Variants in LY6G6D observed in about 807,000 individuals in gnomAD.
LY6G6D encodes lymphocyte antigen 6 complex locus protein G6d.
Under a neutral mutation model 8.5 loss-of-function variants are expected in LY6G6D, and 5 were observed. That is an observed-to-expected ratio of 0.59 (90% confidence interval 0.31 to 1.24). The LOEUF is 1.24. Among genes scored for constraint, LY6G6D ranks in the 50% most tolerant of loss-of-function variants. LY6G6D has a pLI of 0.07. For synonymous variants in LY6G6D, 65 were observed against 69.6 expected (o/e 0.93, Z 0.33); for missense variants, 154 against 170.4 (o/e 0.90, Z 0.53).
rs1283403722 is a variant in LY6G6D at position 31,717,714 on chromosome 6, C to A, written c.312C>A (p.Ser104Arg). 6.2e-7 allele frequency: 1 copy of A among 1,613,970 alleles called. No individual in the cohort carries two copies. Among genetic ancestry groups the A allele is most frequent in the Non-Finnish European group, 8.5e-7 (1 of 1,180,044 alleles). ...RDCYLGDLCNSAVASHVAPAG... is the reference protein window; with the variant it reads ...RDCYLGDLCNRAVASHVAPAG... Reference sequence around the variant, plus strand: ...GCTACCTGGGAGACCTGTGCAACAGCGCCGTGGCAAGCCATGTGGCCCCTG... The same window carrying A: ...GCTACCTGGGAGACCTGTGCAACAGAGCCGTGGCAAGCCATGTGGCCCCTG... The change falls in exon 3 of 3, where the codon AGC becomes AGA. Residue 104 changes from serine to arginine, a missense_variant. Physicochemically the swap from Ser to Arg is moderately radical, Grantham distance 110. Transcript: ENST00000375825. The surrounding 1 kb of genome is among the most constrained non-coding windows in gnomAD (Gnocchi z 5.0).
chr6:31,715,950 G>GGGGT (rs1349361559), intron 2 of LY6G6D, among the ~76,000 whole-genome samples: 3 of 146,956 alleles, frequency 2.0e-5, no homozygotes, highest in Non-Finnish European at 3.0e-5. Flanking sequence ...ACCAGGGAGG[G>GGGGT]GTGTGTGTGT....
chr6:31,717,501 T>G lies in LY6G6D; in HGVS notation c.179-80T>G. On this transcript the variant is annotated intron_variant, in intron 2 of 2. Coordinates refer to ENST00000375825, the MANE Select transcript of LY6G6D (RefSeq NM_021246.4). This position sits in a 1 kb window ranked among gnomAD's most constrained non-coding sequence, Gnocchi z 5.0. ...GGGGCTGAAAATCCCTTTGGGCTCC[T>G]TGAAATCACATCTGCTCTGCCCCAG... 6.2e-7 allele frequency: 1 copy of G among 1,613,908 alleles called. No homozygotes were observed. Among genetic ancestry groups the G allele is most frequent in the Non-Finnish European group, 8.5e-7 (1 of 1,179,864 alleles).
rs1341022989 is a variant in LY6G6D, at chr6:31,717,242, T to C, written c.179-339T>C. Among the ~76,000 whole-genome samples, 2 of 143,804 alleles carry C rather than the reference T, an allele frequency of 1.4e-5. No homozygotes were observed. The highest frequency in any genetic ancestry group is 1.5e-5 in the Non-Finnish European group (1 of 66,334). 94.3% of individuals were successfully genotyped at this position (143,804 alleles called of 152,430 possible). ...TCCAGCTGGGCAATAAGAGTGAAAC[T>C]CCGTCTCAAAAAAAAAAAAAAAATT... is the stretch of plus-strand genomic sequence containing the variant. On this transcript the variant is annotated intron_variant, in intron 2 of 2. Coordinates refer to ENST00000375825, the MANE Select transcript of LY6G6D (RefSeq NM_021246.4). The surrounding 1 kb of genome is among the most constrained non-coding windows in gnomAD (Gnocchi z 5.0).
chr6:31,715,905 A>C (rs918114662), intron 2 of LY6G6D, among the ~76,000 whole-genome samples: 13 of 152,040 alleles, frequency 8.6e-5, no homozygotes, highest in African/African-American at 3.1e-4. Flanking sequence ...GGCCAAAGTT[A>C]AAACCAAACT....
In LY6G6D at chr6:31,716,823, A is replaced by G. The variant is rs753639273; in HGVS notation, c.179-758A>G. Among the ~76,000 whole-genome samples the G allele has an allele frequency of 6.6e-6, 1 of 152,028 alleles. No individual in the cohort carries two copies. Among genetic ancestry groups the G allele is most frequent in the Non-Finnish European group, 1.5e-5 (1 of 67,998 alleles). On this transcript the variant is annotated intron_variant, in intron 2 of 2. Transcript: ENST00000375825. This position sits in a 1 kb window ranked among gnomAD's most constrained non-coding sequence, Gnocchi z 5.1. ...ACACCTGTAATCTCAGTTTCCTGAGAGGCTGAGGCAGGAGGATTACTTGAG... is the reference window on the plus strand; with the variant it reads ...ACACCTGTAATCTCAGTTTCCTGAGGGGCTGAGGCAGGAGGATTACTTGAG...
chr6:31,716,031 A>G lies in LY6G6D; in HGVS notation c.178+407A>G, dbSNP rs1806413617. Among the ~76,000 whole-genome samples, 2 of 152,082 alleles carry G rather than the reference A, an allele frequency of 1.3e-5. No individual in the cohort carries two copies. Among genetic ancestry groups the G allele is most frequent in the African/African-American group, 4.8e-5 (2 of 41,386 alleles). On this transcript the variant is annotated intron_variant, in intron 2 of 2. Coordinates refer to ENST00000375825, the MANE Select transcript of LY6G6D (RefSeq NM_021246.4). This position sits in a 1 kb window ranked among gnomAD's most constrained non-coding sequence, Gnocchi z 5.1. ...TTTATTTTAACATAATTTTGGATTG[A>G]CAGAAAAGTTGCAGAAATACTCAAC... is the stretch of plus-strand genomic sequence containing the variant.
In LY6G6D at chr6:31,715,576, G is replaced by T; in HGVS notation, c.130G>T (p.Glu44Ter). 2 of 1,613,088 alleles carry T rather than the reference G, an allele frequency of 1.2e-6. No homozygotes were observed. Among genetic ancestry groups the T allele is most frequent in the Non-Finnish European group, 1.7e-6 (2 of 1,180,026 alleles). ...CAAAGAGGCCGTGACCACCTGTGGCGAGGGCAGACCCCAGCCAGGCCTGGA... is the reference window on the plus strand; with the variant it reads ...CAAAGAGGCCGTGACCACCTGTGGCTAGGGCAGACCCCAGCCAGGCCTGGA... The part of the protein sequence containing the change: ...SCKEAVTTCG[E>*]GRPQPGLEQI... The change falls in exon 2 of 3, where the codon GAG becomes TAG. Residue 44 changes from glutamate to a stop codon, truncating the protein, a stop_gained. Coordinates refer to ENST00000375825, the MANE Select transcript of LY6G6D (RefSeq NM_021246.4). LOFTEE classifies it low-confidence loss of function (END_TRUNC).
At position 31,716,974 on chromosome 6, in the gene LY6G6D, G is replaced by T. The variant is rs1451893362; in HGVS notation, c.179-607G>T. Among the ~76,000 whole-genome samples, 1 of 151,912 alleles carries T rather than the reference G, an allele frequency of 6.6e-6. No homozygotes were observed. The highest frequency in any genetic ancestry group is 1.5e-5 in the Non-Finnish European group (1 of 67,962). ...TAGATTAAACAAAAATTACGTGCCG[G>T]ATGCAGTGGCTCACGCCTGTAATCC... On this transcript the variant is annotated intron_variant, in intron 2 of 2. Coordinates refer to ENST00000375825, the MANE Select transcript of LY6G6D (RefSeq NM_021246.4). The surrounding 1 kb of genome is among the most constrained non-coding windows in gnomAD (Gnocchi z 5.1).
chr6:31,715,906 A>G (rs1383630334), intron 2 of LY6G6D, among the ~76,000 whole-genome samples: 1 of 151,840 alleles, frequency 6.6e-6, no homozygotes, highest in Non-Finnish European at 1.5e-5. Context: ...GCCAAAGTTA[A>G]AACCAAACTT....
Position 31,715,596 on chromosome 6 carries a change from C to G in LY6G6D, c.150C>G (p.Gly50=). The change falls in exon 2 of 3, where the codon GGC becomes GGG. Residue 50 remains glycine (G), a synonymous_variant. Transcript: ENST00000375825. ...GTGGCGAGGGCAGACCCCAGCCAGG[C>G]CTGGAACAGATCAAGCTACCTGGAA... ...TTCGEGRPQP[G]LEQIKLPGNP... 1 of 1,613,082 alleles carries G rather than the reference C, an allele frequency of 6.2e-7. No homozygotes were observed. The highest frequency in any genetic ancestry group is 8.5e-7 in the Non-Finnish European group (1 of 1,180,016).
chr6:31,717,728 A>G lies in LY6G6D; in HGVS notation c.326A>G (p.His109Arg). 6.2e-7 allele frequency: 1 copy of G among 1,614,204 alleles called. No homozygotes were observed. Among genetic ancestry groups the G allele is most frequent in the Non-Finnish European group, 8.5e-7 (1 of 1,180,036 alleles). ...GDLCNSAVAS[H>R]VAPAGILAAA... ...CTGTGCAACAGCGCCGTGGCAAGCC[A>G]TGTGGCCCCTGCAGGCATTTTGGCT... Residue 109 changes from histidine to arginine, a missense_variant, in exon 3 of 3, where the codon CAT becomes CGT. Physicochemically the swap from His to Arg is conservative, Grantham distance 29 (BLOSUM62 0). Transcript: ENST00000375825. The surrounding 1 kb of genome is among the most constrained non-coding windows in gnomAD (Gnocchi z 5.0).
rs759316788 is a variant in LY6G6D at position 31,715,624 on chromosome 6, C to T, written c.178C>T (p.Pro60Ser). ...GLEQIKLPGN[P>S]PVTLIHQHPA... Reference sequence around the variant, plus strand: ...GGAACAGATCAAGCTACCTGGAAACCGTGAGTCCTCAGTTTCTCCCTCTTC... The same window carrying T: ...GGAACAGATCAAGCTACCTGGAAACTGTGAGTCCTCAGTTTCTCCCTCTTC... Residue 60 changes from proline (P) to serine (S), a missense_variant and splice_region_variant, in exon 2 of 3, where the codon CCC becomes TCC. Pro to Ser is a moderately conservative substitution (Grantham distance 74, BLOSUM62 -1). Transcript: ENST00000375825. 7.4e-6 allele frequency: 12 copies of T among 1,612,030 alleles called. No homozygotes were observed. Among genetic ancestry groups the T allele is most frequent in the East Asian group, 4.5e-5 (2 of 44,844 alleles).
rs188927149 is a variant in LY6G6D, at chr6:31,716,321, C to T, written c.178+697C>T. ...AAATTACTTTTAGGGCCAGTGCAGT[C>T]ACTCGCACCTGTAATCCCAGCACTT... On this transcript the variant is annotated intron_variant, in intron 2 of 2. Coordinates refer to ENST00000375825, the MANE Select transcript of LY6G6D (RefSeq NM_021246.4). This position sits in a 1 kb window ranked among gnomAD's most constrained non-coding sequence, Gnocchi z 5.1. 3.1e-3 allele frequency among the ~76,000 whole-genome samples: 478 copies of T among 152,194 alleles called. 4 individuals carry two copies. Among genetic ancestry groups the T allele is most frequent in the African/African-American group, 0.011 (450 of 41,516 alleles).
rs1337303465 is a variant in LY6G6D, at chr6:31,716,973, G to A, written c.179-608G>A. On this transcript the variant is annotated intron_variant, in intron 2 of 2. Coordinates refer to ENST00000375825, the MANE Select transcript of LY6G6D (RefSeq NM_021246.4). The surrounding 1 kb of genome is among the most constrained non-coding windows in gnomAD (Gnocchi z 5.1). The stretch of plus-strand genomic sequence containing the variant: ...TTAGATTAAACAAAAATTACGTGCC[G>A]GATGCAGTGGCTCACGCCTGTAATC... Among the ~76,000 whole-genome samples the A allele has an allele frequency of 2.0e-5, 3 of 149,470 alleles. No individual in the cohort carries two copies. The highest frequency in any genetic ancestry group is 6.6e-5 in the Admixed American group (1 of 15,068).
chr6:31,717,341 T>G lies in LY6G6D; in HGVS notation c.179-240T>G. 2.1e-5 allele frequency: 16 copies of G among 772,004 alleles called. No individual in the cohort carries two copies. The highest frequency in any genetic ancestry group is 2.9e-5 in the Non-Finnish European group (14 of 485,808). The allele number at this position is 772,004 out of a possible 1,614,324, so 47.8% of individuals were successfully genotyped here. On this transcript the variant is annotated intron_variant, in intron 2 of 2. Transcript: ENST00000375825. The surrounding 1 kb of genome is among the most constrained non-coding windows in gnomAD (Gnocchi z 5.0). ...TTTATTTATCTGATATTTGCCATGATGAGATTGAGGTCATGCATTTTAAGC... is the reference window on the plus strand; with the variant it reads ...TTTATTTATCTGATATTTGCCATGAGGAGATTGAGGTCATGCATTTTAAGC...
rs562997412 is a variant in LY6G6D, at chr6:31,717,664, G to A, written c.262G>A (p.Val88Met). The part of the protein sequence containing the change: ...NQVETESVGD[V>M]TYPAHRDCYL... The stretch of plus-strand genomic sequence containing the variant: ...AGTGGAGACAGAGTCGGTGGGAGAC[G>A]TGACTTATCCAGCCCACAGGGACTG... The change falls in exon 3 of 3, where the codon GTG becomes ATG. Residue 88 changes from valine (V) to methionine (M), a missense_variant. By Grantham distance (21) the Val-to-Met change is conservative. Coordinates refer to ENST00000375825, the MANE Select transcript of LY6G6D (RefSeq NM_021246.4). The surrounding 1 kb of genome is among the most constrained non-coding windows in gnomAD (Gnocchi z 5.0). 5 of 1,614,064 alleles carry A rather than the reference G, an allele frequency of 3.1e-6. No individual in the cohort carries two copies. The highest frequency in any genetic ancestry group is 1.7e-5 in the Admixed American group (1 of 60,000).
In LY6G6D at chr6:31,716,732, G is replaced by T. The variant is rs1806459552; in HGVS notation, c.179-849G>T. Among the ~76,000 whole-genome samples, 1 of 151,250 alleles carries T rather than the reference G, an allele frequency of 6.6e-6. No individual in the cohort carries two copies. ...GGTCAGGAGTTTGACACCAGCCTGG[G>T]CAGCAAAGTGAGACCCCCATCTCTA... On this transcript the variant is annotated intron_variant, in intron 2 of 2. Coordinates refer to ENST00000375825, the MANE Select transcript of LY6G6D (RefSeq NM_021246.4). This position sits in a 1 kb window ranked among gnomAD's most constrained non-coding sequence, Gnocchi z 5.1.
At position 31,717,713 on chromosome 6, in the gene LY6G6D, GCGC is replaced by G. The variant is rs755735060; in HGVS notation, c.314_316del (p.Ala105del). The G allele has an allele frequency of 3.6e-5, 58 of 1,614,212 alleles. 1 individual carries two copies. Among genetic ancestry groups the G allele is most frequent in the South Asian group, 2.3e-4 (21 of 91,086 alleles). On this transcript the variant is annotated inframe_deletion, in exon 3 of 3. Transcript: ENST00000375825. The surrounding 1 kb of genome is among the most constrained non-coding windows in gnomAD (Gnocchi z 5.0). ...TGCTACCTGGGAGACCTGTGCAACA[GCGC>G]CGTGGCAAGCCATGTGGCCCCTGCA... is the stretch of plus-strand genomic sequence containing the variant.
chr6:31,715,703 C>A (rs899755149), intron 2 of LY6G6D, 79 bp downstream of exon 2: 3 of 1,565,096 alleles, frequency 1.9e-6, no homozygotes, highest in Non-Finnish European at 1.7e-6. Flanking sequence ...CTTCCAGAAC[C>A]CTCCAGGCTC....
Sources: gnomAD v4.1 joint callset for allele counts (sites outside exome capture counted in the v4.1 genomes callset) on GRCh38, gnomAD v4.1.1 for gene constraint, Gnocchi (gnomAD v3.1) non-coding constraint, MANE v1.5 for transcripts, NCBI Gene and HGNC (gene_info 2026-07-23, HGNC 2026-07-21) for gene names.